The following LFNG variants were observed in gnomAD, a reference collection of about 807,000 sequenced individuals.
LFNG encodes beta-1,3-N-acetylglucosaminyltransferase lunatic fringe.
A neutral mutation model predicts 32.7 loss-of-function variants in LFNG; 15 were observed. The observed-to-expected ratio is 0.46, with a 90% CI of 0.31 to 0.71. The LOEUF is 0.71. Among genes scored for constraint, LFNG ranks in the 30% least tolerant of loss-of-function variants. The probability of loss-of-function intolerance (pLI) is 0.06; values close to 1 mark genes in which losing one functional copy is unlikely to be tolerated. For missense variants in LFNG, 520 were observed against 545.7 expected, an observed-to-expected ratio of 0.95 and a Z score of 0.47; for synonymous variants, 274 against 246.8, an observed-to-expected ratio of 1.11 and a Z score of -1.03.
upstream of LFNG, chr7:2,519,753 G>C (rs887372618): frequency 3.3e-6 from 2 of 600,094 alleles, no homozygotes; most frequent in Admixed American, 6.3e-5. Flanking sequence ...GTTTAAGAGC[G>C]CGGGACACTG....
chr7:2,513,094 C>A, upstream of LFNG: 1 of 1,543,924 alleles, frequency 6.5e-7, no homozygotes, highest in Non-Finnish European at 8.9e-7. Context: ...GGGCCCTGGG[C>A]ACCTTTGGGC....
Position 2,519,839 on chromosome 7 carries a change from C to A in LFNG, c.-23C>A. On this transcript the variant is annotated 5_prime_UTR_variant, in exon 1 of 8. Transcript: ENST00000222725. ...CAAGGCAGGCGCACGGGGAAGGGCG[C>A]GCCGCGCGGCCGCCACCCCACCATG... The A allele has an allele frequency of 2.8e-6, 3 of 1,076,460 alleles. No homozygotes were observed. Among genetic ancestry groups the A allele is most frequent in the South Asian group, 7.7e-5 (2 of 25,902 alleles). The allele number at this position is 1,076,460 out of a possible 1,614,324, so 66.7% of individuals were successfully genotyped here. A position where few individuals can be genotyped will look rare whatever the true frequency, so the allele number is the denominator to read the frequency against.
At chr7:2,525,965 T>A (rs1779956844) in intron 5 of LFNG, among the ~76,000 whole-genome samples, 195 bp downstream of exon 5, 1 of 152,104 alleles carries the variant, frequency 6.6e-6, no homozygotes, top group African/African-American at 2.4e-5. Context: ...AAGCCTGACC[T>A]GCTCAGAGCA....
Position 2,527,976 on chromosome 7 carries a change from C to T in LFNG, c.*764C>T, listed in dbSNP as rs1323652405. The T allele has an allele frequency of 2.5e-5, 24 of 979,580 alleles. No individual in the cohort carries two copies. Among genetic ancestry groups the T allele is most frequent in the Middle Eastern group, 5.3e-4 (1 of 1,894 alleles). 60.7% of individuals were successfully genotyped at this position (979,580 alleles called of 1,614,324 possible). ...TAGAGAGCAAGTCGCCCACAGTGGG[C>T]GTGTCTGTAAATATTGTGACAGTAT... On this transcript the variant is annotated 3_prime_UTR_variant, in exon 8 of 8. Coordinates refer to ENST00000222725, the MANE Select transcript of LFNG (RefSeq NM_001040167.2). This position sits in a 1 kb window ranked among gnomAD's most constrained non-coding sequence, Gnocchi z 4.4.
chr7:2,521,831 G>C (rs1401520864), intron 1 of LFNG, among the ~76,000 whole-genome samples: 1 of 152,204 alleles, frequency 6.6e-6, no homozygotes, highest in Non-Finnish European at 1.5e-5. Flanking sequence ...GTCCTTCCAG[G>C]AGCACGTTGT....
rs1477758631 is a variant in LFNG at position 2,526,770 on chromosome 7, G to C, written c.988-66G>C. On this transcript the variant is annotated intron_variant, in intron 6 of 7. Coordinates refer to ENST00000222725, the MANE Select transcript of LFNG (RefSeq NM_001040167.2). This position sits in a 1 kb window ranked among gnomAD's most constrained non-coding sequence, Gnocchi z 6.9. ...CCGTTGCCTCACTCAGGGCTGTGTG[G>C]CCAGCCTGGGGCGGGGCCCAGGGAT... 6.7e-7 allele frequency: 1 copy of C among 1,499,848 alleles called. No individual in the cohort carries two copies. The highest frequency in any genetic ancestry group is 9.3e-7 in the Non-Finnish European group (1 of 1,080,828). 92.9% of individuals were successfully genotyped at this position (1,499,848 alleles called of 1,614,324 possible). A position where few individuals can be genotyped will look rare whatever the true frequency, so the allele number is the denominator to read the frequency against.
chr7:2,512,599 T>C, exon 1 of LFNG: 1 of 1,562,160 alleles, frequency 6.4e-7, no homozygotes, highest in South Asian at 1.1e-5. Flanking sequence ...AGGCGGCTCC[T>C]GGCCACCCTC....
chr7:2,522,468 C>G (rs1006018751), intron 1 of LFNG, among the ~76,000 whole-genome samples: 1 of 152,198 alleles, frequency 6.6e-6, no homozygotes, highest in African/African-American at 2.4e-5. Flanking sequence ...GCCAGGCTGC[C>G]GCGCTGCCAC....
Position 2,527,244 on chromosome 7 carries a change from C to T in LFNG, c.*32C>T. The T allele has an allele frequency of 6.2e-7, 1 of 1,609,184 alleles. No individual in the cohort carries two copies. The highest frequency in any genetic ancestry group is 8.5e-7 in the Non-Finnish European group (1 of 1,179,412). On this transcript the variant is annotated 3_prime_UTR_variant, in exon 8 of 8. Transcript: ENST00000222725. This position sits in a 1 kb window ranked among gnomAD's most constrained non-coding sequence, Gnocchi z 4.4. ...TGGCTGAGACCCAATCCCTGGGCGC[C>T]CCTGGTATCCAAAGGGCCCAGGGAC... is the stretch of plus-strand genomic sequence containing the variant.
At position 2,519,884 on chromosome 7, in the gene LFNG, GCCT is replaced by G; in HGVS notation, c.24_26del (p.Leu11del). On this transcript the variant is annotated inframe_deletion, in exon 1 of 8. Transcript: ENST00000222725. ...ACCATGCTCAAGCGCTGCGGCCGGC[GCCT>G]GCTGCTGGCGCTGGCGGGCGCGCTG... is the stretch of plus-strand genomic sequence containing the variant. 9.1e-7 allele frequency: 1 copy of G among 1,103,568 alleles called. No individual in the cohort carries two copies. Among genetic ancestry groups the G allele is most frequent in the Non-Finnish European group, 1.1e-6 (1 of 901,884 alleles). The allele number at this position is 1,103,568 out of a possible 1,614,324, so 68.4% of individuals were successfully genotyped here. A position where few individuals can be genotyped will look rare whatever the true frequency, so the allele number is the denominator to read the frequency against.
At chr7:2,523,977 C>T (rs1186615703) in intron 1 of LFNG, among the ~76,000 whole-genome samples, 4 of 152,138 alleles carry the variant, frequency 2.6e-5, no homozygotes, top group South Asian at 2.1e-4. Flanking sequence ...CTGCACCCTA[C>T]GCGCGGGACC....
Position 2,528,179 on chromosome 7 carries a change from T to A in LFNG, c.*967T>A. The A allele has an allele frequency of 1.0e-6, 1 of 985,794 alleles. No homozygotes were observed. Among genetic ancestry groups the A allele is most frequent in the East Asian group, 1.1e-4 (1 of 8,810 alleles). 61.1% of individuals were successfully genotyped at this position (985,794 alleles called of 1,614,324 possible). On this transcript the variant is annotated 3_prime_UTR_variant, in exon 8 of 8. Coordinates refer to ENST00000222725, the MANE Select transcript of LFNG (RefSeq NM_001040167.2). ...TGTTTTTAAAGCTGAAGTGGGACTGTCTGGCACTCTGTGTATTTATGCGTT... is the reference window on the plus strand; with the variant it reads ...TGTTTTTAAAGCTGAAGTGGGACTGACTGGCACTCTGTGTATTTATGCGTT...
upstream of LFNG, among the ~76,000 whole-genome samples, chr7:2,518,932 C>A (rs1019469282): frequency 2.0e-4 from 31 of 151,986 alleles, no homozygotes; most frequent in African/African-American, 6.7e-4. Flanking sequence ...TGGGAAGGGC[C>A]GGGGATGGGG....
chr7:2,513,308 G>T, upstream of LFNG: 1 of 1,606,676 alleles, frequency 6.2e-7, no homozygotes, highest in Non-Finnish European at 8.5e-7. Flanking sequence ...CAGGTCCTAC[G>T]GAGGTGGCCT....
Position 2,527,489 on chromosome 7 carries a change from G to A in LFNG, c.*277G>A, listed in dbSNP as rs1175885112. The A allele has an allele frequency of 6.1e-5, 85 of 1,388,136 alleles. No homozygotes were observed. Among genetic ancestry groups the A allele is most frequent in the South Asian group, 2.7e-4 (18 of 66,428 alleles). The allele number at this position is 1,388,136 out of a possible 1,614,324, so 86.0% of individuals were successfully genotyped here. A position where few individuals can be genotyped will look rare whatever the true frequency, so the allele number is the denominator to read the frequency against. ...TGCTTGGAGGAAGGATTTGTGTGTC[G>A]GAGGCCACTCCGAGGGCAATTCTGT... On this transcript the variant is annotated 3_prime_UTR_variant, in exon 8 of 8. Transcript: ENST00000222725. The surrounding 1 kb of genome is among the most constrained non-coding windows in gnomAD (Gnocchi z 4.4).
rs1485928824 is a variant in LFNG at position 2,520,620 on chromosome 7, G to C, written c.432+327G>C. On this transcript the variant is annotated intron_variant, in intron 1 of 7. Coordinates refer to ENST00000222725, the MANE Select transcript of LFNG (RefSeq NM_001040167.2). This position sits in a 1 kb window ranked among gnomAD's most constrained non-coding sequence, Gnocchi z 5.0. The stretch of plus-strand genomic sequence containing the variant: ...GTAAACATTGGAGCGCATTCATAGG[G>C]CATTATGTCCTCAAACTTCCACAAG... Among the ~76,000 whole-genome samples, 1 of 152,244 alleles carries C rather than the reference G, an allele frequency of 6.6e-6. No individual in the cohort carries two copies. Among genetic ancestry groups the C allele is most frequent in the African/African-American group, 2.4e-5 (1 of 41,456 alleles).
intron 5 of LFNG, 27 bp downstream of exon 5, chr7:2,525,797 G>C (rs1281797200): frequency 2.5e-6 from 4 of 1,594,544 alleles, no homozygotes; most frequent in Non-Finnish European, 3.4e-6. Context: ...GGTTAGGCCA[G>C]CCCGGTCCCA....
intron 2 of LFNG, 89 bp downstream of exon 2, chr7:2,524,832 A>G: frequency 5.5e-6 from 7 of 1,268,636 alleles, no homozygotes; most frequent in Non-Finnish European, 7.9e-6. Flanking sequence ...CTCTGGGCCG[A>G]GAGGTCACCA....
Position 2,526,996 on chromosome 7 carries a change from AG to A in LFNG, c.1073+78del, listed in dbSNP as rs1780002057. 1 of 1,470,844 alleles carries A rather than the reference AG, an allele frequency of 6.8e-7. No homozygotes were observed. Among genetic ancestry groups the A allele is most frequent in the South Asian group, 1.2e-5 (1 of 86,266 alleles). 91.1% of individuals were successfully genotyped at this position (1,470,844 alleles called of 1,614,324 possible). A position where few individuals can be genotyped will look rare whatever the true frequency, so the allele number is the denominator to read the frequency against. On this transcript the variant is annotated intron_variant, in intron 7 of 7. Transcript: ENST00000222725. The surrounding 1 kb of genome is among the most constrained non-coding windows in gnomAD (Gnocchi z 6.9). Reference sequence around the variant, plus strand: ...TCAGGGGGCCTCGTGGAGCTGCAGCAGGGTCTCTCTAAGCGGCATGACTCTA... The same window carrying A: ...TCAGGGGGCCTCGTGGAGCTGCAGCAGGTCTCTCTAAGCGGCATGACTCTA...
Sources: gnomAD v4.1 joint callset for allele counts (sites outside exome capture counted in the v4.1 genomes callset) on GRCh38, gnomAD v4.1.1 for gene constraint, Gnocchi (gnomAD v3.1) non-coding constraint, MANE v1.5 for transcripts, NCBI Gene and HGNC (gene_info 2026-07-23, HGNC 2026-07-21) for gene names.